The following C16orf74 variants were observed in gnomAD, a reference collection of about 807,000 sequenced individuals.
C16orf74 encodes uncharacterized protein C16orf74.
Under a neutral mutation model 6.5 loss-of-function variants are expected in C16orf74, and 10 were observed. That is an observed-to-expected ratio of 1.54 (90% CI 0.95 to 2.61). The LOEUF (loss-of-function observed/expected upper bound fraction) is 2.61, where lower values mean the gene tolerates loss of function less well. C16orf74 is among the 30% of genes most tolerant of loss of function. C16orf74 has a pLI of 0.00. For synonymous variants in C16orf74, 60 were observed against 42.5 expected (o/e 1.41, Z -1.60); for missense variants, 141 against 105.9 (o/e 1.33, Z -1.45).
chr16:85,739,290 C>A (rs1202692291), intron 1 of C16orf74, among the ~76,000 whole-genome samples: 1 of 152,198 alleles, frequency 6.6e-6, no homozygotes, highest in Non-Finnish European at 1.5e-5. Context: ...CGCAGACCGG[C>A]CCTGCACAAA....
chr16:85,732,403 C>T (rs921540982), intron 2 of C16orf74, among the ~76,000 whole-genome samples: 6 of 152,152 alleles, frequency 3.9e-5, no homozygotes, highest in East Asian at 1.9e-4. Context: ...TGGTGGCTCA[C>T]GCCTGTAATC....
At chr16:85,712,715 C>A (rs115881109) in intron 2 of C16orf74, among the ~76,000 whole-genome samples, 16 of 152,344 alleles carry the variant, frequency 1.1e-4, no homozygotes, top group African/African-American at 2.9e-4. Flanking sequence ...TGTGACCCTG[C>A]GTGCACTGCA....
At chr16:85,749,275 T>C (rs2054408960) in intron 1 of C16orf74, among the ~76,000 whole-genome samples, 1 of 152,138 alleles carries the variant, frequency 6.6e-6, no homozygotes, top group Middle Eastern at 3.2e-3. Flanking sequence ...TCCTCATTTT[T>C]ATTTTTTAAT....
At chr16:85,723,957 T>C (rs1005084988) in intron 2 of C16orf74, among the ~76,000 whole-genome samples, 2 of 152,196 alleles carry the variant, frequency 1.3e-5, no homozygotes, top group Admixed American at 1.3e-4. Context: ...TGCCCGGCCA[T>C]GTCCAGCAGC....
At chr16:85,744,666 T>TAA (rs2054350702) in intron 1 of C16orf74, among the ~76,000 whole-genome samples, 1 of 151,312 alleles carries the variant, frequency 6.6e-6, no homozygotes, top group Non-Finnish European at 1.5e-5. Context: ...CTGTCTCTAC[T>TAA]AAAAATACAA....
intron 2 of C16orf74, among the ~76,000 whole-genome samples, chr16:85,727,531 C>T (rs750005438): frequency 4.6e-5 from 7 of 152,238 alleles, no homozygotes; most frequent in African/African-American, 1.2e-4. Context: ...CAGATCTGGC[C>T]GGGTGCGGTG....
chr16:85,708,691 G>A (rs1161621828), intron 3 of C16orf74, among the ~76,000 whole-genome samples: 4 of 152,212 alleles, frequency 2.6e-5, no homozygotes, highest in Admixed American at 2.0e-4. Flanking sequence ...GCGCCCCATT[G>A]CACCCACCAT....
intron 3 of C16orf74, among the ~76,000 whole-genome samples, chr16:85,709,237 C>T (rs942516878): frequency 1.5e-4 from 23 of 152,084 alleles, no homozygotes; most frequent in African/African-American, 5.3e-4. Context: ...GCCTGTAATC[C>T]CAGCTACTCA....
rs377716191 is a variant in C16orf74 at position 85,710,227 on chromosome 16, C to A, written c.109G>T (p.Asp37Tyr). ...GGGGTGGGGGGCGTGATGATGATGTCGGGCACGTCCAGGTGCTTGTCGTTC... is the reference window on the plus strand; with the variant it reads ...GGGGTGGGGGGCGTGATGATGATGTAGGGCACGTCCAGGTGCTTGTCGTTC... ...VLNDKHLDVP[D>Y]IIITPPTPTG... Residue 37 changes from aspartate (D) to tyrosine (Y), a missense_variant, in exon 3 of 4, where the codon GAC becomes TAC. Asp to Tyr is a radical substitution (Grantham distance 160). Coordinates refer to ENST00000284245, the MANE Select transcript of C16orf74 (RefSeq NM_206967.3). 23 of 1,501,792 alleles carry A rather than the reference C, an allele frequency of 1.5e-5. No individual in the cohort carries two copies. The highest frequency in any genetic ancestry group is 8.8e-5 in the African/African-American group (6 of 68,060). The allele number at this position is 1,501,792 out of a possible 1,614,324, so 93.0% of individuals were successfully genotyped here.
chr16:85,748,503 C>T (rs1479977253), intron 1 of C16orf74, among the ~76,000 whole-genome samples: 1 of 151,726 alleles, frequency 6.6e-6, no homozygotes, highest in South Asian at 2.1e-4. Context: ...GATGCTGAGG[C>T]AGGAGAATCA....
At chr16:85,746,929 T>C (rs926855858) in intron 1 of C16orf74, among the ~76,000 whole-genome samples, 12 of 152,246 alleles carry the variant, frequency 7.9e-5, no homozygotes, top group African/African-American at 2.7e-4. Context: ...AGCATTCATG[T>C]GCTTCCATCC....
chr16:85,718,484 C>T (rs1004002162), intron 2 of C16orf74, among the ~76,000 whole-genome samples: 16 of 152,204 alleles, frequency 1.1e-4, no homozygotes, highest in African/African-American at 2.7e-4. Context: ...TCCAGCCTGT[C>T]GGACCCACGA....
chr16:85,730,634 C>A (rs1170637950), intron 2 of C16orf74, among the ~76,000 whole-genome samples: 4 of 134,876 alleles, frequency 3.0e-5, no homozygotes, highest in Admixed American at 1.7e-4. Flanking sequence ...AGCCAAGTAA[C>A]CCCAGTCCAG....
At chr16:85,745,013 C>A (rs1321921669) in intron 1 of C16orf74, among the ~76,000 whole-genome samples, 1 of 151,094 alleles carries the variant, frequency 6.6e-6, no homozygotes, top group African/African-American at 2.4e-5. Flanking sequence ...TTGTGGCGCA[C>A]GCCTGTAATC....
chr16:85,710,208 G>A lies in C16orf74; in HGVS notation c.128C>T (p.Pro43Leu). ...CGGCAGCATCATGCCCGTGGGGGTG[G>A]GGGGCGTGATGATGATGTCGGGCAC... is the stretch of plus-strand genomic sequence containing the variant. ...LDVPDIIITP[P>L]TPTGMMLPRD... The change falls in exon 3 of 4, where the codon CCC becomes CTC. Residue 43 changes from proline (P) to leucine (L), a missense_variant. Transcript: ENST00000284245. 2 of 1,497,740 alleles carry A rather than the reference G, an allele frequency of 1.3e-6. No individual in the cohort carries two copies. The highest frequency in any genetic ancestry group is 1.8e-6 in the Non-Finnish European group (2 of 1,135,216). The allele number at this position is 1,497,740 out of a possible 1,614,324, so 92.8% of individuals were successfully genotyped here. A position where few individuals can be genotyped will look rare whatever the true frequency, so the allele number is the denominator to read the frequency against.
chr16:85,729,519 G>A lies in C16orf74; in HGVS notation c.28+5671C>T, dbSNP rs556322481. 3.9e-5 allele frequency among the ~76,000 whole-genome samples: 6 copies of A among 152,346 alleles called. No homozygotes were observed. The South Asian group carries it at 1.2e-3, about 32-fold the overall frequency. ...AGAAGCACATTCCTGCCCCCCACAG[G>A]GGAAGCTCAGAGGTGAACTGACTTA... On this transcript the variant is annotated intron_variant, in intron 2 of 3. Transcript: ENST00000284245.
At chr16:85,721,075 G>T (rs139466310) in intron 2 of C16orf74, among the ~76,000 whole-genome samples, 16 of 152,214 alleles carry the variant, frequency 1.1e-4, no homozygotes, top group Admixed American at 4.6e-4. Context: ...TAGGCAATAA[G>T]AGCAAAACTC....
At chr16:85,708,145 G>C in intron 3 of C16orf74, 79 bp from the exon 4 acceptor site, 1 of 1,241,992 alleles carries the variant, frequency 8.1e-7, no homozygotes, top group Non-Finnish European at 1.1e-6. Context: ...GAACTGCAGG[G>C]CTGGGGCCTC....
intron 2 of C16orf74, among the ~76,000 whole-genome samples, chr16:85,725,824 A>G (rs1232162996): frequency 6.6e-6 from 1 of 152,030 alleles, no homozygotes; most frequent in Non-Finnish European, 1.5e-5. Flanking sequence ...GACTGGTCTC[A>G]AACTCCTGAC....
Sources: gnomAD v4.1 joint callset for allele counts (sites outside exome capture counted in the v4.1 genomes callset) on GRCh38, gnomAD v4.1.1 for gene constraint, MANE v1.5 for transcripts, NCBI Gene and HGNC (gene_info 2026-07-23, HGNC 2026-07-21) for gene names.